SLC17A8: variants seen among roughly 807,000 people sequenced by gnomAD.
SLC17A8 encodes the protein vesicular glutamate transporter 3.
Under a neutral mutation model 58.0 loss-of-function variants are expected in SLC17A8, and 31 were observed. The observed-to-expected ratio is 0.53, with a 90% CI of 0.40 to 0.72. The LOEUF (loss-of-function observed/expected upper bound fraction) is 0.72, where lower values mean the gene tolerates loss of function less well. Among genes scored for constraint, SLC17A8 ranks in the 30% least tolerant of loss-of-function variants. The pLI, the probability that SLC17A8 is intolerant of heterozygous loss-of-function variation, is 0.00. For missense variants in SLC17A8, 655 were observed against 727.8 expected (o/e 0.90, Z 1.15); for synonymous variants, 228 against 249.0 (o/e 0.92, Z 0.79).
intron 1 of SLC17A8, among the ~76,000 whole-genome samples, chr12:100,360,664 C>T (rs1952478532): frequency 6.6e-6 from 1 of 152,216 alleles, no homozygotes; most frequent in Non-Finnish European, 1.5e-5. Flanking sequence ...GGTCACACAG[C>T]TATAAATGGA....
chr12:100,396,275 A>G, intron 4 of SLC17A8, 55 bp from the exon 5 acceptor site: 1 of 1,383,436 alleles, frequency 7.2e-7, no homozygotes, highest in Non-Finnish European at 1.0e-6. Flanking sequence ...CATATTTTAA[A>G]CACAAGCAGA....
At chr12:100,406,749 T>G (rs1015748871) in intron 9 of SLC17A8, among the ~76,000 whole-genome samples, 2 of 152,164 alleles carry the variant, frequency 1.3e-5, no homozygotes, top group Non-Finnish European at 2.9e-5. Flanking sequence ...TTGGCCAGGC[T>G]GGTCTCAAAC....
chr12:100,374,018 G>T (rs116489589), intron 1 of SLC17A8, among the ~76,000 whole-genome samples: 1 of 152,118 alleles, frequency 6.6e-6, no homozygotes, highest in Non-Finnish European at 1.5e-5. Flanking sequence ...AGACCCTAAC[G>T]TTCAGGCAAT....
At chr12:100,363,563 G>A (rs191659796) in intron 1 of SLC17A8, among the ~76,000 whole-genome samples, 8 of 152,022 alleles carry the variant, frequency 5.3e-5, no homozygotes, top group African/African-American at 1.4e-4. Flanking sequence ...ATGGGGTTTC[G>A]GTATGTTGGT....
chr12:100,358,924 T>C (rs1020230122), intron 1 of SLC17A8, among the ~76,000 whole-genome samples: 3 of 152,158 alleles, frequency 2.0e-5, no homozygotes, highest in African/African-American at 7.2e-5. Flanking sequence ...GGAGGATCGC[T>C]TGAGGCCAGA....
chr12:100,406,592 G>A (rs892897085), intron 9 of SLC17A8, among the ~76,000 whole-genome samples: 5 of 151,460 alleles, frequency 3.3e-5, no homozygotes, highest in African/African-American at 7.3e-5. Context: ...CTGGAGTGCA[G>A]TGGTGCAATC....
rs1272330937 is a variant in SLC17A8, at chr12:100,420,554, G to A, written c.*395G>A. The A allele has an allele frequency of 5.4e-6, 1 of 186,174 alleles. No individual in the cohort carries two copies. Among genetic ancestry groups the A allele is most frequent in the African/African-American group, 2.3e-5 (1 of 42,570 alleles). 11.5% of individuals were successfully genotyped at this position (186,174 alleles called of 1,614,324 possible). On this transcript the variant is annotated 3_prime_UTR_variant, in exon 12 of 12. Transcript: ENST00000323346. ...ACATCTCTAGGGTAGCCATGCAGAGGAGGGCTTCATATTCCCAATAAACCC... is the reference window on the plus strand; with the variant it reads ...ACATCTCTAGGGTAGCCATGCAGAGAAGGGCTTCATATTCCCAATAAACCC...
intron 9 of SLC17A8, among the ~76,000 whole-genome samples, chr12:100,411,846 G>T (rs1156951524): frequency 2.0e-4 from 29 of 142,806 alleles, no homozygotes; most frequent in African/African-American, 2.6e-4. Context: ...TGTATTGTTT[G>T]TTTTTTTTTT....
chr12:100,382,525 T>C (rs553061126), intron 2 of SLC17A8, among the ~76,000 whole-genome samples: 1 of 152,334 alleles, frequency 6.6e-6, no homozygotes, highest in Admixed American at 6.5e-5. Flanking sequence ...CAATGACTCA[T>C]GCAGAAATCC....
intron 9 of SLC17A8, among the ~76,000 whole-genome samples, chr12:100,411,106 A>G (rs1275249211): frequency 6.6e-6 from 1 of 152,184 alleles, no homozygotes; most frequent in East Asian, 1.9e-4. Context: ...AATTTAGAGG[A>G]GAAGAAAGCA....
At chr12:100,410,451 C>T (rs140222423) in intron 9 of SLC17A8, among the ~76,000 whole-genome samples, 1,704 of 149,792 alleles carry the variant, frequency 0.011, 39 homozygotes, top group African/African-American at 0.04. Flanking sequence ...GCCAAGATCA[C>T]GCTGCTGCCC....
chr12:100,368,280 G>A (rs887915744), intron 1 of SLC17A8, among the ~76,000 whole-genome samples: 12 of 152,306 alleles, frequency 7.9e-5, no homozygotes, highest in South Asian at 4.1e-4. Flanking sequence ...AATCCCAGGC[G>A]TGCCTTGGCT....
chr12:100,373,702 A>G (rs1348522602), intron 1 of SLC17A8, among the ~76,000 whole-genome samples: 1 of 149,776 alleles, frequency 6.7e-6, no homozygotes, highest in Non-Finnish European at 1.5e-5. Flanking sequence ...CTCCTGCCTC[A>G]GCCTCCCGAG....
At chr12:100,389,993 A>G (rs1348176733) in intron 2 of SLC17A8, among the ~76,000 whole-genome samples, 7 of 151,438 alleles carry the variant, frequency 4.6e-5, no homozygotes, top group South Asian at 4.2e-4. Context: ...GCTGATTTTT[A>G]TATTTTTAGT....
chr12:100,410,937 C>T (rs1434042387), intron 9 of SLC17A8, among the ~76,000 whole-genome samples: 2 of 152,164 alleles, frequency 1.3e-5, no homozygotes, highest in African/African-American at 4.8e-5. Flanking sequence ...TTTTCCGATA[C>T]CTCACAAGGC....
intron 2 of SLC17A8, among the ~76,000 whole-genome samples, chr12:100,389,841 G>T (rs1952702695): frequency 1.8e-5 from 2 of 112,662 alleles, no homozygotes; most frequent in South Asian, 2.9e-4. Flanking sequence ...TTACTATTGA[G>T]ATGGAGTCTC....
Position 100,393,458 on chromosome 12 carries a change from T to C in SLC17A8, c.563T>C (p.Val188Ala), listed in dbSNP as rs1952730997. The change falls in exon 4 of 12, where the codon GTC becomes GCC. Residue 188 changes from valine (V) to alanine (A), a missense_variant. Coordinates refer to ENST00000323346, the MANE Select transcript of SLC17A8 (RefSeq NM_139319.3). ...ARVHYGCVMC[V>A]RILQGLVEGV... is the part of the protein sequence containing the mutation. ...GTGCATTACGGATGCGTCATGTGTG[T>C]CAGAATTCTGCAAGGTTTAGTGGAG... 11 of 1,613,526 alleles carry C rather than the reference T, an allele frequency of 6.8e-6. No individual in the cohort carries two copies. The highest frequency in any genetic ancestry group is 9.3e-6 in the Non-Finnish European group (11 of 1,179,548).
intron 5 of SLC17A8, among the ~76,000 whole-genome samples, chr12:100,398,537 G>A (rs1952768316): frequency 6.6e-6 from 1 of 152,344 alleles, no homozygotes; most frequent in Admixed American, 6.5e-5. Context: ...CTCAAGGAAA[G>A]TTACCTGATC....
At position 100,357,131 on chromosome 12, in the gene SLC17A8, T is replaced by C; in HGVS notation, c.-261T>C. ...CAGGCTGCTGCAGAGCGTGCAGCTTTTGCAAGGGACTGAATTCCCAGCCAG... is the reference window on the plus strand; with the variant it reads ...CAGGCTGCTGCAGAGCGTGCAGCTTCTGCAAGGGACTGAATTCCCAGCCAG... On this transcript the variant is annotated 5_prime_UTR_variant, in exon 1 of 12. Coordinates refer to ENST00000323346, the MANE Select transcript of SLC17A8 (RefSeq NM_139319.3). The C allele has an allele frequency of 2.4e-6, 1 of 425,206 alleles. No homozygotes were observed. The highest frequency in any genetic ancestry group is 2.1e-5 in the South Asian group (1 of 47,424). 26.3% of individuals were successfully genotyped at this position (425,206 alleles called of 1,614,324 possible).
Sources: gnomAD v4.1 joint callset for allele counts (sites outside exome capture counted in the v4.1 genomes callset) on GRCh38, gnomAD v4.1.1 for gene constraint, MANE v1.5 for transcripts, NCBI Gene and HGNC (gene_info 2026-07-23, HGNC 2026-07-21) for gene names.